The following CCDC148 variants were observed in gnomAD, a reference collection of about 807,000 sequenced individuals.
CCDC148 encodes coiled-coil domain-containing protein 148.
Under a neutral mutation model 85.7 loss-of-function variants are expected in CCDC148, and 89 were observed. The ratio of observed to expected loss-of-function variants is 1.04; its 90% CI spans 0.87 to 1.24. CCDC148 has a LOEUF of 1.24. Ranked by LOEUF, CCDC148 falls within the 50% of genes most tolerant of loss-of-function variation. CCDC148 has a pLI of 0.00. For synonymous variants in CCDC148, 230 were observed against 213.9 expected, an observed-to-expected ratio of 1.08 and a Z score of -0.66; for missense variants, 692 against 671.7, an observed-to-expected ratio of 1.03 and a Z score of -0.33.
intron 1 of CCDC148, among the ~76,000 whole-genome samples, chr2:158,388,069 T>C (rs1685163238): frequency 6.6e-6 from 1 of 152,148 alleles, no homozygotes; most frequent in Non-Finnish European, 1.5e-5. Context: ...GAGGAAACAT[T>C]GTTTTCTTCC....
rs1185894027 is a variant in CCDC148, at chr2:158,294,002, C to CTCCTTCCT, written c.1110+15423_1110+15430dup. On this transcript the variant is annotated intron_variant, in intron 9 of 13. Transcript: ENST00000283233. ...CCCCCCTCCCTCCCTCCCTCCCTCC[C>CTCCTTCCT]TCCTTCCTTCCTTCCTTCCTTCCTT... Among the ~76,000 whole-genome samples the CTCCTTCCT allele has an allele frequency of 4.9e-3, 75 of 15,204 alleles. 2 individuals are homozygous for CTCCTTCCT. Among genetic ancestry groups the CTCCTTCCT allele is most frequent in the African/African-American group, 9.0e-3 (28 of 3,098 alleles). 10.0% of individuals were successfully genotyped at this position (15,204 alleles called of 152,430 possible).
chr2:158,278,566 G>T (rs1241348292), intron 9 of CCDC148, among the ~76,000 whole-genome samples: 2 of 152,228 alleles, frequency 1.3e-5, no homozygotes, highest in Admixed American at 6.5e-5. Flanking sequence ...TGGCAGCGAG[G>T]CTGGGGGAGG....
At chr2:158,309,828 T>C (rs556214085) in intron 8 of CCDC148, among the ~76,000 whole-genome samples, 189 bp from the exon 9 acceptor site, 1 of 152,246 alleles carries the variant, frequency 6.6e-6, no homozygotes, top group Non-Finnish European at 1.5e-5. Flanking sequence ...CCATGGCTAA[T>C]TGGTGACTGA....
intron 1 of CCDC148, among the ~76,000 whole-genome samples, chr2:158,380,194 C>A (rs1459946765): frequency 6.6e-6 from 1 of 151,998 alleles, no homozygotes; most frequent in Non-Finnish European, 1.5e-5. Context: ...ATGCTTGCAG[C>A]CGAATTATCT....
At chr2:158,352,086 C>G (rs1244900812) in intron 2 of CCDC148, among the ~76,000 whole-genome samples, 3 of 145,156 alleles carry the variant, frequency 2.1e-5, no homozygotes, top group African/African-American at 7.9e-5. Flanking sequence ...ACATCACCAT[C>G]ATCAAAGACC....
intron 1 of CCDC148, among the ~76,000 whole-genome samples, chr2:158,417,475 G>A (rs909966588): frequency 6.6e-6 from 1 of 152,204 alleles, no homozygotes; most frequent in African/African-American, 2.4e-5. Context: ...AGGTAATGGT[G>A]CTTGTACCTT....
chr2:158,222,459 CCT>C (rs780045205), intron 10 of CCDC148, among the ~76,000 whole-genome samples: 4 of 148,730 alleles, frequency 2.7e-5, no homozygotes, highest in East Asian at 2.0e-4. Context: ...GTGCTCTCTC[CCT>C]CTCTCTCTTT....
At chr2:158,422,868 T>C (rs754264975) in intron 1 of CCDC148, among the ~76,000 whole-genome samples, 1 of 151,064 alleles carries the variant, frequency 6.6e-6, no homozygotes, top group East Asian at 1.9e-4. Context: ...CTTAAGCTAG[T>C]AAGCAACTTC....
At chr2:158,340,877 G>A (rs1682650730) in intron 3 of CCDC148, among the ~76,000 whole-genome samples, 197 bp from the exon 4 acceptor site, 1 of 152,188 alleles carries the variant, frequency 6.6e-6, no homozygotes, top group Admixed American at 6.5e-5. Flanking sequence ...GAAACAGCGT[G>A]AGCAAAGGCC....
At chr2:158,423,280 C>T (rs1394002777) in intron 1 of CCDC148, among the ~76,000 whole-genome samples, 2 of 152,170 alleles carry the variant, frequency 1.3e-5, no homozygotes, top group African/African-American at 2.4e-5. Flanking sequence ...CAAGACAATC[C>T]TAAGCCAAAA....
At chr2:158,332,719 T>C (rs371499996) in intron 7 of CCDC148, among the ~76,000 whole-genome samples, 2 of 152,208 alleles carry the variant, frequency 1.3e-5, no homozygotes, top group East Asian at 1.9e-4. Flanking sequence ...AACTTGTTAT[T>C]GGTCTACTCA....
At chr2:158,304,092 G>A (rs1018691245) in intron 9 of CCDC148, among the ~76,000 whole-genome samples, 1 of 152,110 alleles carries the variant, frequency 6.6e-6, no homozygotes, top group Non-Finnish European at 1.5e-5. Flanking sequence ...AGAGAGGTCC[G>A]TGGTAACTTT....
At chr2:158,416,787 T>C (rs1028487680) in intron 1 of CCDC148, among the ~76,000 whole-genome samples, 4 of 152,216 alleles carry the variant, frequency 2.6e-5, no homozygotes, top group African/African-American at 9.6e-5. Context: ...TTTTCAGGTA[T>C]CTTTATAGCA....
intron 10 of CCDC148, among the ~76,000 whole-genome samples, chr2:158,229,421 T>C (rs1467281887): frequency 1.3e-5 from 2 of 152,248 alleles, no homozygotes; most frequent in African/African-American, 2.4e-5. Context: ...AACCATTTGA[T>C]TGATGACATA....
intron 10 of CCDC148, among the ~76,000 whole-genome samples, chr2:158,232,922 A>G (rs1687922432): frequency 6.6e-6 from 1 of 152,202 alleles, no homozygotes; most frequent in Non-Finnish European, 1.5e-5. Flanking sequence ...ACAGTTAAGT[A>G]GAAGGAATAA....
intron 11 of CCDC148, among the ~76,000 whole-genome samples, chr2:158,191,110 G>A (rs1411990624): frequency 6.6e-6 from 1 of 151,992 alleles, no homozygotes; most frequent in African/African-American, 2.4e-5. Flanking sequence ...TGATTATGAT[G>A]ATGGAACTGG....
chr2:158,205,409 C>T (rs909868716), intron 11 of CCDC148, among the ~76,000 whole-genome samples: 6 of 152,138 alleles, frequency 3.9e-5, no homozygotes, highest in South Asian at 2.1e-4. Flanking sequence ...GCCAGGGAGA[C>T]ATCCATATGG....
In CCDC148 at chr2:158,456,723, C is replaced by T. The variant is rs930862379; in HGVS notation, c.-284G>A. 2.9e-5 allele frequency: 14 copies of T among 485,828 alleles called. No individual in the cohort carries two copies. The highest frequency in any genetic ancestry group is 5.9e-5 in the African/African-American group (3 of 51,270). 30.1% of individuals were successfully genotyped at this position (485,828 alleles called of 1,614,324 possible). On this transcript the variant is annotated 5_prime_UTR_variant, in exon 1 of 14. Transcript: ENST00000283233. ...CTCTCTCACACCCACCCTCTCCAGG[C>T]CCTCTCGCGCTGAACAGCATCGGTC...
At chr2:158,287,395 G>A (rs527254486) in intron 9 of CCDC148, among the ~76,000 whole-genome samples, 1 of 152,142 alleles carries the variant, frequency 6.6e-6, no homozygotes, top group Non-Finnish European at 1.5e-5. Flanking sequence ...TCTGAGACAA[G>A]GCACGTCCCT....
Sources: allele counts gnomAD v4.1 joint callset (sites outside exome capture counted in the v4.1 genomes callset), GRCh38; gene constraint gnomAD v4.1.1; transcripts MANE v1.5; gene names NCBI Gene and HGNC (gene_info 2026-07-23, HGNC 2026-07-21).